Variants in ARID3A observed in about 807,000 individuals in gnomAD.
ARID3A encodes AT-rich interactive domain-containing protein 3A.
Under a neutral mutation model 52.7 loss-of-function variants are expected in ARID3A, and 11 were observed. That is an observed-to-expected ratio of 0.21 (90% CI 0.13 to 0.35). The LOEUF (loss-of-function observed/expected upper bound fraction) is 0.35, where lower values mean the gene tolerates loss of function less well. Among genes scored for constraint, ARID3A ranks in the 10% least tolerant of loss-of-function variants. The pLI is 1.00. For missense variants in ARID3A, 721 were observed against 838.5 expected (o/e 0.86, Z 1.73); for synonymous variants, 404 against 359.4 (o/e 1.12, Z -1.40).
At position 940,847 on chromosome 19, in the gene ARID3A, C is replaced by T. The variant is rs531010639; in HGVS notation, c.693+8105C>T. ...CCCCTGGGCACCTGGTCCTCCCCACCGGGGCAGCGCCCGCCTCATCAAAGC... is the reference window on the plus strand; with the variant it reads ...CCCCTGGGCACCTGGTCCTCCCCACTGGGGCAGCGCCCGCCTCATCAAAGC... On this transcript the variant is annotated intron_variant, in intron 3 of 8. Coordinates refer to ENST00000263620, the MANE Select transcript of ARID3A (RefSeq NM_005224.3). 2.5e-3 allele frequency among the ~76,000 whole-genome samples: 382 copies of T among 152,212 alleles called. 1 individual carries two copies. Among genetic ancestry groups the T allele is most frequent in the African/African-American group, 8.7e-3 (360 of 41,536 alleles).
intron 3 of ARID3A, among the ~76,000 whole-genome samples, chr19:936,267 T>C (rs1458609565): frequency 6.6e-6 from 1 of 152,192 alleles, no homozygotes; most frequent in Non-Finnish European, 1.5e-5. Context: ...AATTGTACGA[T>C]TGGGGCCAGG....
At chr19:954,742 A>G (rs1207730809) in intron 3 of ARID3A, among the ~76,000 whole-genome samples, 1 of 148,656 alleles carries the variant, frequency 6.7e-6, no homozygotes, top group East Asian at 2.0e-4. Flanking sequence ...GAATGACCAC[A>G]GGGGACCCAG....
chr19:949,673 TGTC>T (rs376029720), intron 3 of ARID3A, among the ~76,000 whole-genome samples: 2 of 119,230 alleles, frequency 1.7e-5, no homozygotes, highest in Non-Finnish European at 3.3e-5. Context: ...ACCCTGATTC[TGTC>T]TTTTTTTTTT....
At chr19:950,835 T>C (rs1475010284) in intron 3 of ARID3A, among the ~76,000 whole-genome samples, 2 of 152,052 alleles carry the variant, frequency 1.3e-5, no homozygotes, top group African/African-American at 4.8e-5. Context: ...TTTTGTTTTT[T>C]TTTTGAGGTG....
rs761028250 is a variant in ARID3A, at chr19:932,496, T to TGAG, written c.462_464dup (p.Glu154dup). On this transcript the variant is annotated inframe_insertion, in exon 3 of 9. Transcript: ENST00000263620. Reference sequence around the variant, plus strand: ...AGGAGGAGGAGGAGGATTACGAGGATGAGGAGGAGGAGGAGGACGAGGAGG... The same window carrying TGAG: ...AGGAGGAGGAGGAGGATTACGAGGATGAGGAGGAGGAGGAGGAGGACGAGGAGG... 5 of 1,541,982 alleles carry TGAG rather than the reference T, an allele frequency of 3.2e-6. No homozygotes were observed. The highest frequency in any genetic ancestry group is 2.2e-5 in the Admixed American group (1 of 46,174).
intron 3 of ARID3A, among the ~76,000 whole-genome samples, chr19:950,362 ATGAGGCCGTCCCCAGAGGGAATGGATG>A (rs2037779977): frequency 1.7e-5 from 1 of 60,546 alleles, no homozygotes; most frequent in South Asian, 5.4e-4. Context: ...GAACGGATGG[ATGAGGCCGTCCCCAGAGGGAATGGATG>A]GATGAGGCCG....
chr19:964,497 G>A lies in ARID3A; in HGVS notation c.950+66G>A. 1 of 1,495,048 alleles carries A rather than the reference G, an allele frequency of 6.7e-7. No homozygotes were observed. Among genetic ancestry groups the A allele is most frequent in the South Asian group, 1.3e-5 (1 of 76,572 alleles). The allele number at this position is 1,495,048 out of a possible 1,614,324, so 92.6% of individuals were successfully genotyped here. ...TCTGAGCAGCCAGTGCAAGGGGCCT[G>A]CAGAAGAGGGAGGGGGTGGTGGGCA... On this transcript the variant is annotated intron_variant, in intron 5 of 8. Transcript: ENST00000263620. This position sits in a 1 kb window ranked among gnomAD's most constrained non-coding sequence, Gnocchi z 5.7.
In ARID3A at chr19:974,498, G is replaced by A. The variant is rs1233986089; in HGVS notation, c.*2433G>A. ...CCGTCCCACGCCTGGGCCCCGCGCC[G>A]GGGGAAGCGCCTGCTGCCTATCTCT... is the stretch of plus-strand genomic sequence containing the variant. On this transcript the variant is annotated 3_prime_UTR_variant, in exon 9 of 9. Transcript: ENST00000263620. 15 of 229,868 alleles carry A rather than the reference G, an allele frequency of 6.5e-5. No homozygotes were observed. Among genetic ancestry groups the A allele is most frequent in the Non-Finnish European group, 1.0e-4 (12 of 116,000 alleles). The allele number at this position is 229,868 out of a possible 1,614,324, so 14.2% of individuals were successfully genotyped here. A position where few individuals can be genotyped will look rare whatever the true frequency, so the allele number is the denominator to read the frequency against.
intron 2 of ARID3A, 138 bp from the exon 3 acceptor site, chr19:932,280 T>G (rs2037347623): frequency 6.7e-7 from 1 of 1,483,338 alleles, no homozygotes; most frequent in Non-Finnish European, 9.0e-7. Context: ...ATGAGCGCTC[T>G]CTGCAGTCTG....
rs1037497788 is a variant in ARID3A, at chr19:944,916, C to T, written c.693+12174C>T. 6.6e-6 allele frequency among the ~76,000 whole-genome samples: 1 copy of T among 152,180 alleles called. No individual in the cohort carries two copies. Among genetic ancestry groups the T allele is most frequent in the South Asian group, 2.1e-4 (1 of 4,830 alleles). On this transcript the variant is annotated intron_variant, in intron 3 of 8. Transcript: ENST00000263620. This position sits in a 1 kb window ranked among gnomAD's most constrained non-coding sequence, Gnocchi z 5.9. Reference sequence around the variant, plus strand: ...TCTCTGTCTCCATCTCTTCTTTCTCCTCTCCCCTCTCCCTGTCTCTGCCAC... The same window carrying T: ...TCTCTGTCTCCATCTCTTCTTTCTCTTCTCCCCTCTCCCTGTCTCTGCCAC...
rs2038353193 is a variant in ARID3A, at chr19:975,078, G to A, written c.*3013G>A. The A allele has an allele frequency of 4.3e-6, 1 of 231,866 alleles. No homozygotes were observed. The allele number at this position is 231,866 out of a possible 1,614,324, so 14.4% of individuals were successfully genotyped here. A position where few individuals can be genotyped will look rare whatever the true frequency, so the allele number is the denominator to read the frequency against. ...CCAGCCGTGCCCATCTCCTGCCACC[G>A]CCTGTCGGTGGGGGTTTAAATTCGG... On this transcript the variant is annotated 3_prime_UTR_variant, in exon 9 of 9. Coordinates refer to ENST00000263620, the MANE Select transcript of ARID3A (RefSeq NM_005224.3).
chr19:956,169 C>T (rs905589601), intron 3 of ARID3A, among the ~76,000 whole-genome samples: 1 of 152,196 alleles, frequency 6.6e-6, no homozygotes, highest in Non-Finnish European at 1.5e-5. Context: ...GGCGTTCACC[C>T]CAGGACAGCC....
chr19:933,977 T>C (rs2037388603), intron 3 of ARID3A, among the ~76,000 whole-genome samples: 1 of 152,014 alleles, frequency 6.6e-6, no homozygotes, highest in Non-Finnish European at 1.5e-5. Context: ...AGGCTCAGTG[T>C]TGGGAGGAGG....
chr19:966,559 T>C lies in ARID3A; in HGVS notation c.1199-13T>C. On this transcript the variant is annotated splice_polypyrimidine_tract_variant and intron_variant, in intron 6 of 8. Transcript: ENST00000263620. Reference sequence around the variant, plus strand: ...CCCCTCCTGGCCACCAATTCCCCTTTTTTCCTACCTAGAGGAGGACTCAGC... The same window carrying C: ...CCCCTCCTGGCCACCAATTCCCCTTCTTTCCTACCTAGAGGAGGACTCAGC... 1 of 1,513,468 alleles carries C rather than the reference T, an allele frequency of 6.6e-7. No individual in the cohort carries two copies. The highest frequency in any genetic ancestry group is 8.9e-7 in the Non-Finnish European group (1 of 1,128,868). 93.8% of individuals were successfully genotyped at this position (1,513,468 alleles called of 1,614,324 possible).
chr19:929,597 C>T lies in ARID3A; in HGVS notation c.69C>T (p.Ala23=), dbSNP rs1223327487. ...RQQRARQELE[A]RQQLPPDPPA... ...AGCGGGCGCGCCAGGAGCTGGAGGC[C>T]CGGCAGCAGCTGCCCCCCGATCCCC... Residue 23 remains alanine (A), a synonymous_variant, in exon 2 of 9, where the codon GCC becomes GCT. Coordinates refer to ENST00000263620, the MANE Select transcript of ARID3A (RefSeq NM_005224.3). The surrounding 1 kb of genome is among the most constrained non-coding windows in gnomAD (Gnocchi z 6.2). 6.6e-7 allele frequency: 1 copy of T among 1,524,386 alleles called. No individual in the cohort carries two copies. Among genetic ancestry groups the T allele is most frequent in the South Asian group, 1.2e-5 (1 of 83,554 alleles). 94.4% of individuals were successfully genotyped at this position (1,524,386 alleles called of 1,614,324 possible). A position where few individuals can be genotyped will look rare whatever the true frequency, so the allele number is the denominator to read the frequency against.
intron 3 of ARID3A, among the ~76,000 whole-genome samples, chr19:935,174 C>T (rs1185168011): frequency 1.3e-5 from 2 of 152,230 alleles, no homozygotes; most frequent in African/African-American, 4.8e-5. Flanking sequence ...CCTGGCAGGG[C>T]TCGGGGCTAA....
chr19:971,843 C>G, intron 8 of ARID3A, 35 bp from the exon 9 acceptor site: 1 of 1,567,810 alleles, frequency 6.4e-7, no homozygotes. Flanking sequence ...TCTTCTTAAA[C>G]TCTGCATGGC....
rs566757901 is a variant in ARID3A, at chr19:974,641, G to A, written c.*2576G>A. 116 of 229,864 alleles carry A rather than the reference G, an allele frequency of 5.0e-4. No homozygotes were observed. The highest frequency in any genetic ancestry group is 1.4e-3 in the Admixed American group (25 of 17,658). 14.2% of individuals were successfully genotyped at this position (229,864 alleles called of 1,614,324 possible). On this transcript the variant is annotated 3_prime_UTR_variant, in exon 9 of 9. Transcript: ENST00000263620. ...GGGGCCTGGCTGCCTGCTGCATCTG[G>A]CGGCCCTGGACCCCTGGGGCCCCCG...
At chr19:948,538 ACTCCAGGTC>A (rs376606824) in intron 3 of ARID3A, among the ~76,000 whole-genome samples, 2,601 of 151,010 alleles carry the variant, frequency 0.017, 35 homozygotes, top group African/African-American at 0.036. Context: ...GGGGCGCGAG[ACTCCAGGTC>A]CTCCAGGTCC....
Sources: gnomAD v4.1 joint callset for allele counts (sites outside exome capture counted in the v4.1 genomes callset) on GRCh38, gnomAD v4.1.1 for gene constraint, Gnocchi (gnomAD v3.1) non-coding constraint, MANE v1.5 for transcripts, NCBI Gene and HGNC (gene_info 2026-07-23, HGNC 2026-07-21) for gene names.